DCDC2: variants seen among roughly 807,000 people sequenced by gnomAD.
DCDC2 encodes the protein doublecortin domain-containing protein 2.
DCDC2 carries 40 observed loss-of-function variants against 50.2 expected under a neutral mutation model. The ratio of observed to expected loss-of-function variants is 0.80; its 90% CI spans 0.62 to 1.04. DCDC2 has a LOEUF of 1.04. Ranked by LOEUF, DCDC2 falls within the 50% of genes least tolerant of loss-of-function variation. The probability of loss-of-function intolerance (pLI) is 0.00; values close to 1 mark genes in which losing one functional copy is unlikely to be tolerated. For missense variants in DCDC2, 570 were observed against 581.9 expected, an observed-to-expected ratio of 0.98 and a Z score of 0.21; for synonymous variants, 234 against 210.6, an observed-to-expected ratio of 1.11 and a Z score of -0.96.
intron 8 of DCDC2, among the ~76,000 whole-genome samples, chr6:24,194,179 A>C (rs1325173684): frequency 6.6e-6 from 1 of 152,094 alleles, no homozygotes; most frequent in Admixed American, 6.5e-5. Context: ...TGTGGTGAGG[A>C]GGGGTGTGGC....
chr6:24,190,073 GA>G (rs56783668), intron 8 of DCDC2, among the ~76,000 whole-genome samples: 5,099 of 132,100 alleles, frequency 0.039, 213 homozygotes, highest in African/African-American at 0.11. Context: ...TACTTTCACC[GA>G]AAAAAAAAAA....
At chr6:24,349,434 A>T (rs1760323773) in intron 2 of DCDC2, among the ~76,000 whole-genome samples, 1 of 152,190 alleles carries the variant, frequency 6.6e-6, no homozygotes, top group South Asian at 2.1e-4. Flanking sequence ...AGAAGAGAGG[A>T]AGCAGAAATC....
chr6:24,236,111 C>A (rs1289652599), intron 7 of DCDC2, among the ~76,000 whole-genome samples: 1 of 151,934 alleles, frequency 6.6e-6, no homozygotes, highest in Non-Finnish European at 1.5e-5. Flanking sequence ...TCATATGAAC[C>A]AAAATGGAAC....
intron 2 of DCDC2, among the ~76,000 whole-genome samples, chr6:24,306,697 G>C (rs892722708): frequency 3.9e-4 from 60 of 152,150 alleles, no homozygotes. Flanking sequence ...ATCACATGCT[G>C]TCTCCAATAT....
At chr6:24,241,126 G>T (rs1762553868) in intron 7 of DCDC2, among the ~76,000 whole-genome samples, 1 of 152,134 alleles carries the variant, frequency 6.6e-6, no homozygotes, top group African/African-American at 2.4e-5. Flanking sequence ...CAGCCACCTG[G>T]GGTTAGATAT....
intron 5 of DCDC2, among the ~76,000 whole-genome samples, chr6:24,290,013 A>G (rs1763708016): frequency 2.9e-5 from 2 of 69,300 alleles, no homozygotes; most frequent in African/African-American, 5.4e-5. Flanking sequence ...TTTTTTTTTG[A>G]GACGGAGTCT....
intron 9 of DCDC2, among the ~76,000 whole-genome samples, chr6:24,176,660 T>C (rs1760920881): frequency 6.6e-6 from 1 of 152,206 alleles, no homozygotes; most frequent in South Asian, 2.1e-4. Context: ...TTTTCAAGTA[T>C]ACAATACATT....
intron 3 of DCDC2, 56 bp downstream of exon 3, chr6:24,301,912 C>G: frequency 6.2e-7 from 1 of 1,612,094 alleles, no homozygotes; most frequent in Admixed American, 1.7e-5. Context: ...AAATTCCAAA[C>G]CAAAAGGAAA....
Position 24,357,547 on chromosome 6 carries a change from C to A in DCDC2, c.204G>T (p.Pro68=). ...GCTTCCGGATTCGGTGGCCAGTCCG[C>A]GGGGTGTAGATGTTCCTGACGGCCC... ...PFGAVRNIYT[P]RTGHRIRKLD... Residue 68 remains proline (P), a synonymous_variant, in exon 1 of 10, where the codon CCG becomes CCT. Coordinates refer to ENST00000378454, the MANE Select transcript of DCDC2 (RefSeq NM_016356.5). 6.2e-7 allele frequency: 1 copy of A among 1,613,540 alleles called. No individual in the cohort carries two copies. The highest frequency in any genetic ancestry group is 2.2e-5 in the East Asian group (1 of 44,880).
intron 7 of DCDC2, among the ~76,000 whole-genome samples, chr6:24,277,452 A>G (rs1763385940): frequency 6.6e-6 from 1 of 152,206 alleles, no homozygotes. Context: ...TTTTCATTAC[A>G]TACTTCCTTA....
the DCDC2 span, among the ~76,000 whole-genome samples, chr6:24,370,769 A>G: frequency 1.3e-5 from 2 of 152,260 alleles, no homozygotes; most frequent in Admixed American, 1.3e-4. Context: ...AACATGTTAA[A>G]AAACATGTTG....
chr6:24,270,855 T>C lies in DCDC2; in HGVS notation c.922+7194A>G, dbSNP rs555526305. Among the ~76,000 whole-genome samples the C allele has an allele frequency of 2.0e-5, 3 of 152,262 alleles. No homozygotes were observed. The East Asian group carries it at 5.8e-4, about 29-fold the overall frequency. ...TTCTTTCAGAAAAGCAGATAAATCA[T>C]GCTTCAGTCTTTGGTATGCCAGAAA... On this transcript the variant is annotated intron_variant, in intron 7 of 9. Coordinates refer to ENST00000378454, the MANE Select transcript of DCDC2 (RefSeq NM_016356.5).
Position 24,180,498 on chromosome 6 carries a change from C to T in DCDC2, c.1024-1866G>A, listed in dbSNP as rs1032772674. On this transcript the variant is annotated intron_variant, in intron 8 of 9. Coordinates refer to ENST00000378454, the MANE Select transcript of DCDC2 (RefSeq NM_016356.5). ...GGAGACGGGGTTTCACCATGTTAGC[C>T]AGGATGGTCTCGATCTCCTGACCTT... Among the ~76,000 whole-genome samples the T allele has an allele frequency of 2.6e-5, 4 of 152,026 alleles. No homozygotes were observed. The South Asian group carries it at 8.3e-4, about 32-fold the overall frequency.
intron 7 of DCDC2, among the ~76,000 whole-genome samples, chr6:24,266,549 C>CA (rs1436483808): frequency 4.0e-5 from 6 of 151,814 alleles, no homozygotes; most frequent in Non-Finnish European, 7.4e-5. Context: ...ACAGAAATAG[C>CA]AAAAAAGTAT....
intron 2 of DCDC2, among the ~76,000 whole-genome samples, chr6:24,343,300 C>T (rs1010212517): frequency 1.3e-5 from 2 of 152,060 alleles, no homozygotes; most frequent in Non-Finnish European, 2.9e-5. Context: ...CCACCCACCT[C>T]GGCCTCCCAA....
intron 2 of DCDC2, among the ~76,000 whole-genome samples, chr6:24,343,069 T>C (rs929872295): frequency 6.6e-6 from 1 of 150,782 alleles, no homozygotes; most frequent in African/African-American, 2.4e-5. Flanking sequence ...TTTTTTTTTT[T>C]TGAGACAGAG....
intron 8 of DCDC2, among the ~76,000 whole-genome samples, chr6:24,182,586 A>C (rs557688768): frequency 1.3e-5 from 2 of 149,878 alleles, no homozygotes; most frequent in South Asian, 4.2e-4. Context: ...AATACAAATT[A>C]AAACTGCAAT....
chr6:24,211,249 T>A (rs1297982459), intron 7 of DCDC2, among the ~76,000 whole-genome samples: 1 of 152,218 alleles, frequency 6.6e-6, no homozygotes, highest in African/African-American at 2.4e-5. Context: ...TTCTTCATGT[T>A]CTTACAGGGT....
chr6:24,215,945 C>G (rs529155178), intron 7 of DCDC2, among the ~76,000 whole-genome samples: 1 of 152,254 alleles, frequency 6.6e-6, no homozygotes, highest in Admixed American at 6.5e-5. Context: ...TGAAGAAGGA[C>G]TCTCAGGTTT....
Sources: gnomAD v4.1 joint callset for allele counts (sites outside exome capture counted in the v4.1 genomes callset) on GRCh38, gnomAD v4.1.1 for gene constraint, MANE v1.5 for transcripts, NCBI Gene and HGNC (gene_info 2026-07-23, HGNC 2026-07-21) for gene names.